The following ZNF385D variants were observed in gnomAD, a reference collection of about 807,000 sequenced individuals.
ZNF385D encodes the protein zinc finger protein 385D.
A neutral mutation model predicts 35.8 loss-of-function variants in ZNF385D; 15 were observed. The ratio of observed to expected loss-of-function variants is 0.42; its 90% CI spans 0.28 to 0.64. The LOEUF (loss-of-function observed/expected upper bound fraction) is 0.64. Among genes scored for constraint, ZNF385D ranks in the 30% least tolerant of loss-of-function variants. The pLI is 0.23. For missense variants in ZNF385D, 474 were observed against 494.6 expected (o/e 0.96, Z 0.39); for synonymous variants, 212 against 186.8 (o/e 1.13, Z -1.10).
chr3:22,209,923 G>C (rs989355770), intron 2 of ZNF385D, among the ~76,000 whole-genome samples: 8 of 151,706 alleles, frequency 5.3e-5, no homozygotes, highest in African/African-American at 1.9e-4. Context: ...GTTTACCTTA[G>C]TAACGGGACA....
chr3:22,194,303 C>T (rs556879046), intron 2 of ZNF385D, among the ~76,000 whole-genome samples: 5 of 151,686 alleles, frequency 3.3e-5, no homozygotes, highest in South Asian at 4.2e-4. Flanking sequence ...TACAGATAAA[C>T]GCAAACTATA....
At chr3:21,623,985 T>C (rs1309348655) in intron 2 of ZNF385D, among the ~76,000 whole-genome samples, 1 of 152,110 alleles carries the variant, frequency 6.6e-6, no homozygotes, top group African/African-American at 2.4e-5. Context: ...GGAATGGCTT[T>C]ATGACGACTT....
At chr3:21,988,524 G>A (rs531262614) in intron 3 of ZNF385D, among the ~76,000 whole-genome samples, 4,317 of 145,208 alleles carry the variant, frequency 0.03, 228 homozygotes, top group African/African-American at 0.1. Flanking sequence ...CAGTCTGCCC[G>A]TTCTCAGATC....
intron 2 of ZNF385D, among the ~76,000 whole-genome samples, chr3:22,205,989 C>G (rs937353875): frequency 6.6e-6 from 1 of 151,808 alleles, no homozygotes; most frequent in African/African-American, 2.4e-5. Context: ...AAAGACCCAA[C>G]TCAAATCTTG....
intron 2 of ZNF385D, among the ~76,000 whole-genome samples, chr3:22,204,741 C>T (rs1403965546): frequency 6.6e-6 from 1 of 151,180 alleles, no homozygotes; most frequent in Non-Finnish European, 1.5e-5. Context: ...TGCCATATAT[C>T]ATTCTTACCA....
chr3:22,145,923 A>G (rs1032664711), intron 3 of ZNF385D, among the ~76,000 whole-genome samples: 2 of 152,136 alleles, frequency 1.3e-5, no homozygotes, highest in South Asian at 2.1e-4. Flanking sequence ...CATTTTCCCA[A>G]TAAAACAGCA....
intron 3 of ZNF385D, among the ~76,000 whole-genome samples, chr3:21,776,827 C>T (rs2071308587): frequency 6.6e-6 from 1 of 151,896 alleles, no homozygotes; most frequent in Non-Finnish European, 1.5e-5. Flanking sequence ...GAGAAAGGCA[C>T]ATTTGCTATT....
intron 2 of ZNF385D, among the ~76,000 whole-genome samples, chr3:22,366,847 G>T (rs1357235572): frequency 6.6e-6 from 1 of 152,138 alleles, no homozygotes; most frequent in Non-Finnish European, 1.5e-5. Context: ...AACAAAGAGA[G>T]ATCAGACACT....
chr3:22,334,843 T>C (rs1337430180), intron 2 of ZNF385D, among the ~76,000 whole-genome samples: 1 of 149,054 alleles, frequency 6.7e-6, no homozygotes, highest in Non-Finnish European at 1.5e-5. Context: ...TAGATCAATG[T>C]ATCAGAAATA....
chr3:21,811,295 C>T (rs757727255), intron 3 of ZNF385D, among the ~76,000 whole-genome samples: 49 of 152,074 alleles, frequency 3.2e-4, no homozygotes, highest in Non-Finnish European at 5.9e-4. Context: ...ACATTTCCCA[C>T]GTAGAGAAAC....
At chr3:21,488,364 CAT>C (rs1260559106) in intron 4 of ZNF385D, among the ~76,000 whole-genome samples, 3 of 144,446 alleles carry the variant, frequency 2.1e-5, no homozygotes, top group Non-Finnish European at 4.6e-5. Flanking sequence ...CACACACACA[CAT>C]ACACTTGGGT....
At chr3:22,099,276 T>C (rs1162633640) in intron 3 of ZNF385D, among the ~76,000 whole-genome samples, 1 of 152,124 alleles carries the variant, frequency 6.6e-6, no homozygotes, top group Non-Finnish European at 1.5e-5. Flanking sequence ...TACATCTATA[T>C]GTACATACAC....
intron 3 of ZNF385D, among the ~76,000 whole-genome samples, chr3:21,993,020 G>C (rs942497315): frequency 3.9e-5 from 6 of 152,112 alleles, no homozygotes; most frequent in African/African-American, 1.4e-4. Flanking sequence ...TTTTGAGCTT[G>C]CTCATTTAAC....
intron 3 of ZNF385D, among the ~76,000 whole-genome samples, chr3:21,563,741 T>A (rs2063040328): frequency 6.6e-6 from 1 of 152,184 alleles, no homozygotes; most frequent in Non-Finnish European, 1.5e-5. Context: ...TCTGTTTGCC[T>A]AGAGTGTGAA....
At chr3:21,748,060 T>C (rs1221257649) in intron 1 of ZNF385D, among the ~76,000 whole-genome samples, 2 of 152,158 alleles carry the variant, frequency 1.3e-5, no homozygotes, top group African/African-American at 4.8e-5. Flanking sequence ...CCAAGATTGA[T>C]AGAATAAGTA....
intron 1 of ZNF385D, among the ~76,000 whole-genome samples, chr3:21,710,006 G>A (rs949083273): frequency 1.9e-4 from 29 of 152,304 alleles, no homozygotes; most frequent in African/African-American, 6.5e-4. Context: ...TGAATCTCAA[G>A]GGCTTTGGGA....
intron 2 of ZNF385D, among the ~76,000 whole-genome samples, chr3:21,634,204 T>C (rs1214452651): frequency 8.9e-5 from 11 of 123,704 alleles, no homozygotes; most frequent in Admixed American, 8.8e-4. Context: ...CTCAAAAAAA[T>C]AGAAAGAAAG....
At chr3:22,354,716 A>G (rs1263377656) in intron 2 of ZNF385D, among the ~76,000 whole-genome samples, 2 of 152,158 alleles carry the variant, frequency 1.3e-5, no homozygotes, top group East Asian at 1.9e-4. Context: ...AATGCAGACA[A>G]TAACAGAGAA....
chr3:22,353,657 A>G (rs1212868126), intron 2 of ZNF385D, among the ~76,000 whole-genome samples: 2 of 152,082 alleles, frequency 1.3e-5, no homozygotes, highest in Non-Finnish European at 2.9e-5. Context: ...ACTCTTTTCA[A>G]AACTACTTTT....
Sources: gnomAD v4.1 joint callset for allele counts (sites outside exome capture counted in the v4.1 genomes callset) on GRCh38, gnomAD v4.1.1 for gene constraint, MANE v1.5 for transcripts, NCBI Gene and HGNC (gene_info 2026-07-23, HGNC 2026-07-21) for gene names.